The following RAB28 variants were observed in gnomAD, a reference collection of about 807,000 sequenced individuals.
RAB28 encodes the protein RAB28, member RAS oncogene family, also known as ras-related protein Rab-28.
A neutral mutation model predicts 31.7 loss-of-function variants in RAB28; 24 were observed. The observed-to-expected ratio is 0.76, with a 90% confidence interval of 0.55 to 1.06. RAB28 has a LOEUF of 1.06. Among genes scored for constraint, RAB28 ranks in the 50% least tolerant of loss-of-function variants. The probability of loss-of-function intolerance (pLI) is 0.00; values close to 1 mark genes in which losing one functional copy is unlikely to be tolerated. For missense variants in RAB28, 254 were observed against 258.5 expected, an observed-to-expected ratio of 0.98 and a Z score of 0.12; for synonymous variants, 100 against 90.4, an observed-to-expected ratio of 1.11 and a Z score of -0.60.
chr4:13,475,903 C>A (rs1716341844), intron 2 of RAB28, among the ~76,000 whole-genome samples: 1 of 151,492 alleles, frequency 6.6e-6, no homozygotes, highest in Admixed American at 6.6e-5. Context: ...CTAGCCATCA[C>A]TAAGAAGTAT....
chr4:13,435,708 T>C (rs889899684), intron 4 of RAB28, among the ~76,000 whole-genome samples: 8 of 152,028 alleles, frequency 5.3e-5, no homozygotes, highest in African/African-American at 1.9e-4. Flanking sequence ...CAAAAACAAG[T>C]TACAAAATTG....
intron 2 of RAB28, among the ~76,000 whole-genome samples, chr4:13,477,111 C>T (rs935250529): frequency 6.6e-6 from 1 of 151,586 alleles, no homozygotes; most frequent in African/African-American, 2.4e-5. Flanking sequence ...TACCCACAAG[C>T]TTCCTGAAAG....
At chr4:13,407,271 C>T (rs1470776443) in intron 4 of RAB28, among the ~76,000 whole-genome samples, 1 of 152,148 alleles carries the variant, frequency 6.6e-6, no homozygotes, top group South Asian at 2.1e-4. Flanking sequence ...AGAATCCTTT[C>T]CCCATTACTT....
chr4:13,463,513 G>A (rs1715699101), intron 3 of RAB28, among the ~76,000 whole-genome samples: 1 of 152,066 alleles, frequency 6.6e-6, no homozygotes, highest in Non-Finnish European at 1.5e-5. Context: ...GAGCTGAGTG[G>A]CTACAACAGA....
At chr4:13,477,495 T>C (rs1716414174) in intron 2 of RAB28, among the ~76,000 whole-genome samples, 1 of 151,622 alleles carries the variant, frequency 6.6e-6, no homozygotes. Flanking sequence ...CATTAAAGTA[T>C]ATAAAGGATA....
chr4:13,465,955 A>T (rs1715821960), intron 3 of RAB28, among the ~76,000 whole-genome samples: 1 of 152,006 alleles, frequency 6.6e-6, no homozygotes. Flanking sequence ...CAACAGAGCC[A>T]GAAATACACA....
chr4:13,484,304 C>G lies in RAB28; in HGVS notation c.-154G>C. 2 of 633,110 alleles carry G rather than the reference C, an allele frequency of 3.2e-6. No homozygotes were observed. The highest frequency in any genetic ancestry group is 3.5e-5 in the South Asian group (2 of 56,698). 39.2% of individuals were successfully genotyped at this position (633,110 alleles called of 1,614,324 possible). Reference sequence around the variant, plus strand: ...CAGGAGGTATTCGAGGAGAATCACTCGGCAAGCGCCATCTTGCCCACCTCC... The same window carrying G: ...CAGGAGGTATTCGAGGAGAATCACTGGGCAAGCGCCATCTTGCCCACCTCC... On this transcript the variant is annotated 5_prime_UTR_variant, in exon 1 of 7. Transcript: ENST00000330852.
intron 2 of RAB28, among the ~76,000 whole-genome samples, chr4:13,474,969 T>C (rs1716286338): frequency 6.6e-6 from 1 of 151,636 alleles, no homozygotes; most frequent in South Asian, 2.1e-4. Context: ...AATTACGTTT[T>C]CAAATTTAAC....
chr4:13,391,519 T>C (rs1376091218), intron 4 of RAB28, among the ~76,000 whole-genome samples: 1 of 152,140 alleles, frequency 6.6e-6, no homozygotes, highest in Non-Finnish European at 1.5e-5. Flanking sequence ...GATCTAGAAC[T>C]AGAAATACCA....
chr4:13,401,395 A>C (rs1184792910), intron 4 of RAB28, among the ~76,000 whole-genome samples: 4 of 152,108 alleles, frequency 2.6e-5, no homozygotes, highest in Non-Finnish European at 2.9e-5. Context: ...GAGCTAGGGG[A>C]GGGATAGCAT....
chr4:13,427,796 G>A (rs370879142), intron 4 of RAB28, among the ~76,000 whole-genome samples: 1 of 152,152 alleles, frequency 6.6e-6, no homozygotes, highest in Admixed American at 6.6e-5. Context: ...GAACAGAGAA[G>A]AGTAACACTT....
At chr4:13,461,186 C>G (rs563072221) in intron 3 of RAB28, among the ~76,000 whole-genome samples, 1 of 152,328 alleles carries the variant, frequency 6.6e-6, no homozygotes, top group South Asian at 2.1e-4. Flanking sequence ...CTCTCACTTT[C>G]ATGAGGTCAA....
intron 4 of RAB28, among the ~76,000 whole-genome samples, chr4:13,421,519 CAGTA>C (rs990868056): frequency 5.9e-5 from 9 of 152,190 alleles, no homozygotes; most frequent in African/African-American, 2.2e-4. Flanking sequence ...TACAAGGCTA[CAGTA>C]ACCAAAACAA....
Position 13,367,791 on chromosome 4 carries a change from C to T in RAB28, c.*767G>A. 2 of 985,076 alleles carry T rather than the reference C, an allele frequency of 2.0e-6. No homozygotes were observed. The highest frequency in any genetic ancestry group is 2.4e-6 in the Non-Finnish European group (2 of 829,692). 61.0% of individuals were successfully genotyped at this position (985,076 alleles called of 1,614,324 possible). On this transcript the variant is annotated 3_prime_UTR_variant, in exon 7 of 7. Transcript: ENST00000330852. ...TCAGGTACAGTCTGATCCACAATGT[C>T]ATAACTCATTCTCGGGAGTACTCTT...
chr4:13,457,425 G>C (rs1243484243), intron 4 of RAB28, among the ~76,000 whole-genome samples: 1 of 152,060 alleles, frequency 6.6e-6, no homozygotes, highest in Non-Finnish European at 1.5e-5. Flanking sequence ...ATGATCACAT[G>C]AAATTGGGCC....
intron 4 of RAB28, among the ~76,000 whole-genome samples, chr4:13,436,741 G>T (rs562198180): frequency 6.6e-6 from 1 of 152,276 alleles, no homozygotes; most frequent in South Asian, 2.1e-4. Flanking sequence ...TATGCTCAAA[G>T]ATTGGAAGAA....
chr4:13,452,979 T>G (rs764531621), intron 4 of RAB28, among the ~76,000 whole-genome samples: 14 of 136,242 alleles, frequency 1.0e-4, no homozygotes, highest in Non-Finnish European at 2.0e-4. Context: ...TATTTACAAT[T>G]GTTATGTTCT....
At chr4:13,428,057 T>A (rs1021110020) in intron 4 of RAB28, among the ~76,000 whole-genome samples, 3 of 152,174 alleles carry the variant, frequency 2.0e-5, no homozygotes, top group Non-Finnish European at 4.4e-5. Context: ...GGGGGCTGCA[T>A]GCATCAGTAA....
chr4:13,484,096 C>T lies in RAB28; in HGVS notation c.55G>A (p.Gly19Arg), dbSNP rs1312475876. The T allele has an allele frequency of 3.7e-6, 6 of 1,602,050 alleles. No individual in the cohort carries two copies. Among genetic ancestry groups the T allele is most frequent in the Non-Finnish European group, 2.6e-6 (3 of 1,174,856 alleles). Reference sequence around the variant, plus strand: ...CTGACCTTCCCGGAGGCGCCGTCCCCCAGCACGACGATTTTCAGTTGCCGG... The same window carrying T: ...CTGACCTTCCCGGAGGCGCCGTCCCTCAGCACGACGATTTTCAGTTGCCGG... The part of the protein sequence containing the change: ...QDRQLKIVVL[G>R]DGASGKTSLT... The change falls in exon 1 of 7, where the codon GGG (glycine) becomes AGG (arginine). Residue 19 changes from glycine to arginine, a missense_variant. Gly to Arg is a moderately radical substitution (Grantham distance 125). Transcript: ENST00000330852.
Sources: allele counts gnomAD v4.1 joint callset (sites outside exome capture counted in the v4.1 genomes callset), GRCh38; gene constraint gnomAD v4.1.1; transcripts MANE v1.5; gene names NCBI Gene and HGNC (gene_info 2026-07-23, HGNC 2026-07-21).